Variants in HMGA2 observed in about 807,000 individuals in gnomAD.
The protein encoded by HMGA2 is high mobility group protein HMGI-C.
Under a neutral mutation model 19.1 loss-of-function variants are expected in HMGA2, and 8 were observed. The ratio of observed to expected loss-of-function variants is 0.42; its 90% CI spans 0.25 to 0.76. The LOEUF (loss-of-function observed/expected upper bound fraction) is 0.76. Among genes scored for constraint, HMGA2 ranks in the 30% least tolerant of loss-of-function variants. The probability of loss-of-function intolerance (pLI) is 0.28; values close to 1 mark genes in which losing one functional copy is unlikely to be tolerated. For synonymous variants in HMGA2, 60 were observed against 48.8 expected, an observed-to-expected ratio of 1.23 and a Z score of -0.96; for missense variants, 109 against 136.3, an observed-to-expected ratio of 0.80 and a Z score of 1.00.
At chr12:65,958,382 T>C (rs1368191766) in intron 4 of HMGA2, 1 of 152,376 alleles carries the variant, frequency 6.6e-6, no homozygotes, top group East Asian at 1.9e-4. Flanking sequence ...CCAGGTTATA[T>C]TGTTTATATA....
chr12:65,923,988 C>T (rs1007068360), intron 3 of HMGA2, among the ~76,000 whole-genome samples: 4 of 151,926 alleles, frequency 2.6e-5, no homozygotes, highest in Non-Finnish European at 5.9e-5. Context: ...CCAGCCTGGG[C>T]AACAAGAGCA....
chr12:65,838,661 A>G (rs1386536626), intron 3 of HMGA2, 92 bp downstream of exon 3: 3 of 889,984 alleles, frequency 3.4e-6, no homozygotes, highest in East Asian at 5.3e-5. Context: ...GATTACATGA[A>G]TTTCCAACTT....
chr12:65,904,168 T>C (rs895240258), intron 3 of HMGA2, among the ~76,000 whole-genome samples: 2 of 152,216 alleles, frequency 1.3e-5, no homozygotes, highest in African/African-American at 4.8e-5. Flanking sequence ...GACAGATCTG[T>C]TCAACGTCAT....
chr12:65,909,331 T>C (rs1478027340), intron 3 of HMGA2, among the ~76,000 whole-genome samples: 1 of 152,184 alleles, frequency 6.6e-6, no homozygotes, highest in Non-Finnish European at 1.5e-5. Context: ...TAAGGTGTAG[T>C]GTGCCCTGCA....
Position 65,825,070 on chromosome 12 carries a change from T to C in HMGA2, c.-201T>C, listed in dbSNP as rs1870076597. ...CTCCTCCTCCTCCTCCCCTCTTCTC[T>C]TTTTGGCAGCCGCTGGACGTCCGGT... is the stretch of plus-strand genomic sequence containing the variant. On this transcript the variant is annotated 5_prime_UTR_variant, in exon 1 of 5. Coordinates refer to ENST00000403681, the MANE Select transcript of HMGA2 (RefSeq NM_003483.6). This position sits in a 1 kb window ranked among gnomAD's most constrained non-coding sequence, Gnocchi z 4.4. 3 of 498,290 alleles carry C rather than the reference T, an allele frequency of 6.0e-6. No homozygotes were observed. Among genetic ancestry groups the C allele is most frequent in the Non-Finnish European group, 1.1e-5 (3 of 282,952 alleles). The allele number at this position is 498,290 out of a possible 1,614,324, so 30.9% of individuals were successfully genotyped here.
rs1870090151 is a variant in HMGA2 at position 65,825,259 on chromosome 12, G to GC, written c.-11dup. On this transcript the variant is annotated 5_prime_UTR_variant, in exon 1 of 5. Coordinates refer to ENST00000403681, the MANE Select transcript of HMGA2 (RefSeq NM_003483.6). This position sits in a 1 kb window ranked among gnomAD's most constrained non-coding sequence, Gnocchi z 4.4. ...AGCGGCTGCAGCGGCGGTAGCGGCG[G>GC]CGGGAGGCAGGATGAGCGCACGCGG... The GC allele has an allele frequency of 1.3e-6, 2 of 1,525,550 alleles. No individual in the cohort carries two copies. The allele number at this position is 1,525,550 out of a possible 1,614,324, so 94.5% of individuals were successfully genotyped here.
chr12:65,903,608 G>A (rs1055059228), intron 3 of HMGA2, among the ~76,000 whole-genome samples: 2 of 152,096 alleles, frequency 1.3e-5, no homozygotes, highest in Non-Finnish European at 2.9e-5. Flanking sequence ...AAGGTAAAAG[G>A]TTCGAGAAAT....
intron 3 of HMGA2, among the ~76,000 whole-genome samples, chr12:65,870,148 G>A (rs1872637457): frequency 6.6e-6 from 1 of 152,170 alleles, no homozygotes; most frequent in African/African-American, 2.4e-5. Flanking sequence ...TTAGCTTTAA[G>A]ACCTTTCAGT....
chr12:65,921,100 T>G (rs1181562113), intron 3 of HMGA2, among the ~76,000 whole-genome samples: 1 of 152,244 alleles, frequency 6.6e-6, no homozygotes, highest in East Asian at 1.9e-4. Context: ...ACTTTTGTTA[T>G]ATTTTTAGCA....
intron 3 of HMGA2, among the ~76,000 whole-genome samples, chr12:65,894,083 C>T (rs763305366): frequency 1.3e-4 from 20 of 152,120 alleles, no homozygotes; most frequent in African/African-American, 2.4e-4. Flanking sequence ...ACATTTCTTC[C>T]GTTGGCCAAC....
intron 3 of HMGA2, among the ~76,000 whole-genome samples, chr12:65,913,823 GTGTCA>G (rs1874952610): frequency 6.6e-6 from 1 of 152,150 alleles, no homozygotes; most frequent in Non-Finnish European, 1.5e-5. Flanking sequence ...TGTTCCTGAT[GTGTCA>G]CCAGTGCTCT....
chr12:65,914,550 G>A (rs1329699468), intron 3 of HMGA2, among the ~76,000 whole-genome samples: 1 of 150,958 alleles, frequency 6.6e-6, no homozygotes, highest in African/African-American at 2.4e-5. Context: ...GCTAGATGAC[G>A]AGTTAGTGGG....
chr12:65,944,408 C>T (rs1169566322), intron 3 of HMGA2, among the ~76,000 whole-genome samples: 1 of 152,134 alleles, frequency 6.6e-6, no homozygotes, highest in African/African-American at 2.4e-5. Context: ...AAAGACAGTC[C>T]TGGTGCTCTG....
At chr12:65,841,931 C>G (rs938207461) in intron 3 of HMGA2, among the ~76,000 whole-genome samples, 1 of 151,840 alleles carries the variant, frequency 6.6e-6, no homozygotes, top group Non-Finnish European at 1.5e-5. Context: ...AGTGATCTAA[C>G]GAGTGTGTTA....
chr12:65,948,710 T>C (rs188689191), intron 3 of HMGA2, among the ~76,000 whole-genome samples: 8 of 152,350 alleles, frequency 5.3e-5, no homozygotes, highest in African/African-American at 1.7e-4. Flanking sequence ...TATGAAGTGC[T>C]GTGTCTGAGG....
At chr12:65,897,558 C>A (rs1213360341) in intron 3 of HMGA2, among the ~76,000 whole-genome samples, 2 of 152,130 alleles carry the variant, frequency 1.3e-5, no homozygotes, top group Non-Finnish European at 2.9e-5. Context: ...AAGGAGTGGT[C>A]AGGGAGAGCA....
chr12:65,884,032 A>G (rs1234249569), intron 3 of HMGA2, among the ~76,000 whole-genome samples: 3 of 151,984 alleles, frequency 2.0e-5, no homozygotes, highest in Non-Finnish European at 4.4e-5. Flanking sequence ...CGCCCAGCTA[A>G]TTTTTGTGTT....
intron 4 of HMGA2, chr12:65,953,181 T>G (rs1342140880): frequency 2.0e-5 from 3 of 152,176 alleles, no homozygotes; most frequent in Admixed American, 2.0e-4. Context: ...AGATCCATCA[T>G]ATTTTTTATG....
At chr12:65,918,007 T>G (rs948345224) in intron 3 of HMGA2, among the ~76,000 whole-genome samples, 1 of 152,212 alleles carries the variant, frequency 6.6e-6, no homozygotes, top group Non-Finnish European at 1.5e-5. Flanking sequence ...TAAGTCAAAC[T>G]AAAACATCCA....
Sources: allele counts gnomAD v4.1 joint callset (sites outside exome capture counted in the v4.1 genomes callset), GRCh38; gene constraint gnomAD v4.1.1; non-coding constraint Gnocchi (gnomAD v3.1); transcripts MANE v1.5; gene names NCBI Gene and HGNC (gene_info 2026-07-23, HGNC 2026-07-21).